Variants in HECTD3 observed in about 807,000 individuals in gnomAD.
The protein encoded by HECTD3 is HECT domain E3 ubiquitin protein ligase 3, also known as E3 ubiquitin-protein ligase HECTD3.
In HECTD3, 72 loss-of-function variants were observed where a neutral mutation model predicts 109.3. The observed-to-expected ratio is 0.66, with a 90% confidence interval of 0.54 to 0.80. The LOEUF is 0.80. Among genes scored for constraint, HECTD3 ranks in the 30% least tolerant of loss-of-function variants. The pLI, the probability that HECTD3 is intolerant of heterozygous loss-of-function variation, is 0.00. For synonymous variants in HECTD3, 481 were observed against 471.8 expected, an observed-to-expected ratio of 1.02 and a Z score of -0.25; for missense variants, 1,041 against 1,165.2, an observed-to-expected ratio of 0.89 and a Z score of 1.55.
At chr1:45,008,807 C>A in intron 7 of HECTD3, 106 bp from the exon 8 acceptor site, 1 of 1,083,578 alleles carries the variant, frequency 9.2e-7, no homozygotes, top group East Asian at 2.4e-5. Context: ...CACCGTTAGC[C>A]CCTAGAAACT....
chr1:45,009,020 GGAGT>G (rs1644759792), intron 7 of HECTD3, 120 bp downstream of exon 7: 3 of 817,070 alleles, frequency 3.7e-6, no homozygotes, highest in Non-Finnish European at 6.1e-6. Flanking sequence ...TCCAAATCCT[GGAGT>G]TAGTTCAGCA....
In HECTD3 at chr1:45,007,641, C is replaced by T. The variant is rs548173491; in HGVS notation, c.1321-46G>A. Reference sequence around the variant, plus strand: ...GAGCAGGAATGAGTGGGCAGTCAGCCTCCGTCCAGGCCCTGGAACTTTCCC... The same window carrying T: ...GAGCAGGAATGAGTGGGCAGTCAGCTTCCGTCCAGGCCCTGGAACTTTCCC... On this transcript the variant is annotated intron_variant, in intron 9 of 20. Transcript: ENST00000372172. 4.1e-4 allele frequency: 633 copies of T among 1,542,358 alleles called. 9 individuals carry two copies. In the South Asian group the frequency reaches 6.9e-3, roughly 17 times the overall value.
Position 45,007,405 on chromosome 1 carries a change from G to A in HECTD3, c.1503+8C>T. 1 of 1,613,876 alleles carries A rather than the reference G, an allele frequency of 6.2e-7. No homozygotes were observed. On this transcript the variant is annotated splice_region_variant and intron_variant, in intron 10 of 20. Transcript: ENST00000372172. ...TCCTATCTCAGTCGGACCCTAGGTG[G>A]TGCAGACCTGGGTGAAGACTGCATT... is the stretch of plus-strand genomic sequence containing the variant.
At chr1:45,009,962 G>A in intron 4 of HECTD3, 24 bp downstream of exon 4, 1 of 1,518,446 alleles carries the variant, frequency 6.6e-7, no homozygotes, top group South Asian at 1.3e-5. Flanking sequence ...TCTTGCCTGG[G>A]GTGGGAGGAG....
intron 4 of HECTD3, 80 bp downstream of exon 4, chr1:45,009,906 C>A: frequency 6.7e-7 from 1 of 1,492,530 alleles, no homozygotes; most frequent in Non-Finnish European, 9.0e-7. Context: ...TCCTGGCCTG[C>A]AGGTGGGGGT....
chr1:45,005,315 A>C (rs2148976466), intron 15 of HECTD3: 1 of 209,452 alleles, frequency 4.8e-6, no homozygotes, highest in Non-Finnish European at 9.7e-6. Flanking sequence ...CTTTTTAGTA[A>C]GTGATTAGCT....
intron 4 of HECTD3, 36 bp downstream of exon 4, chr1:45,009,950 T>C (rs774646122): frequency 1.1e-5 from 17 of 1,517,680 alleles, no homozygotes; most frequent in East Asian, 4.5e-5. Context: ...GGTGTGACTA[T>C]ATCTTGCCTG....
At position 45,008,525 on chromosome 1, in the gene HECTD3, A is replaced by G. The variant is rs746625522; in HGVS notation, c.1238+11T>C. On this transcript the variant is annotated intron_variant, in intron 8 of 20. Coordinates refer to ENST00000372172, the MANE Select transcript of HECTD3 (RefSeq NM_024602.6). ...GAAGGGAAGGGCCCATAGGTCCAGG[A>G]CCACAGCCACCTCTGCAGGAGGACA... is the stretch of plus-strand genomic sequence containing the variant. 3 of 1,611,722 alleles carry G rather than the reference A, an allele frequency of 1.9e-6. No individual in the cohort carries two copies. The highest frequency in any genetic ancestry group is 2.5e-6 in the Non-Finnish European group (3 of 1,178,258).
In HECTD3 at chr1:45,002,931, G is replaced by A. The variant is rs1181720079; in HGVS notation, c.*561C>T. On this transcript the variant is annotated 3_prime_UTR_variant, in exon 21 of 21. Transcript: ENST00000372172. ...GAAGAACAGAGCTCACCACATCTCT[G>A]GTATGGAGGGAGAGGGGAAAAGAGC... 1.2e-5 allele frequency: 2 copies of A among 160,280 alleles called. No individual in the cohort carries two copies. Among genetic ancestry groups the A allele is most frequent in the East Asian group, 1.8e-4 (1 of 5,556 alleles). 9.9% of individuals were successfully genotyped at this position (160,280 alleles called of 1,614,324 possible).
chr1:45,008,476 G>C (rs1409645813), intron 8 of HECTD3, 60 bp downstream of exon 8: 2 of 1,575,364 alleles, frequency 1.3e-6, no homozygotes, highest in Non-Finnish European at 1.7e-6. Flanking sequence ...CCTCCATGCA[G>C]ACACACAAGG....
chr1:45,009,672 G>A lies in HECTD3; in HGVS notation c.771C>T (p.Asn257=), dbSNP rs915797346. 6 of 1,613,294 alleles carry A rather than the reference G, an allele frequency of 3.7e-6. No individual in the cohort carries two copies. The highest frequency in any genetic ancestry group is 1.3e-5 in the African/African-American group (1 of 74,910). ...CATTGCTGTCTGTCAGGCAGGACAC[G>A]TTGAACTCCTCCTGGGGAGGGGCAG... ...IDVSSYTEEF[N]VSCLTDSNAD... Residue 257 remains asparagine (N), a synonymous_variant, in exon 5 of 21, where the codon AAC becomes AAT. Coordinates refer to ENST00000372172, the MANE Select transcript of HECTD3 (RefSeq NM_024602.6).
chr1:45,004,933 T>C (rs1644721528), intron 15 of HECTD3, 127 bp from the exon 16 acceptor site: 1 of 799,314 alleles, frequency 1.3e-6, no homozygotes, highest in Non-Finnish European at 2.2e-6. Context: ...CAGCAGGGAA[T>C]GAGGGTGTCA....
chr1:45,003,786 C>T lies in HECTD3; in HGVS notation c.2430-46G>A, dbSNP rs1376725811. ...TAGGTCAGGAAGATGTGTTGGGGCA[C>T]ATGTACGTGTGTGGGGAGGGAGGAC... On this transcript the variant is annotated intron_variant, in intron 19 of 20. Transcript: ENST00000372172. This position sits in a 1 kb window ranked among gnomAD's most constrained non-coding sequence, Gnocchi z 4.7. The T allele has an allele frequency of 6.2e-7, 1 of 1,612,712 alleles. No individual in the cohort carries two copies. Among genetic ancestry groups the T allele is most frequent in the Non-Finnish European group, 8.5e-7 (1 of 1,178,886 alleles).
At chr1:45,007,149 TGTGTGTG>T in intron 11 of HECTD3, 63 bp downstream of exon 11, 5 of 1,385,038 alleles carry the variant, frequency 3.6e-6, no homozygotes, top group East Asian at 2.3e-5. Flanking sequence ...TGTGTGTGTG[TGTGTGTG>T]TTTGTGTGTG....
At chr1:45,005,085 G>C (rs1344726476) in intron 15 of HECTD3, 3 of 520,192 alleles carry the variant, frequency 5.8e-6, no homozygotes, top group African/African-American at 5.7e-5. Flanking sequence ...ACATCTTGGA[G>C]AAAGCTGGAA....
chr1:45,008,946 C>G (rs1471830358), intron 7 of HECTD3, among the ~76,000 whole-genome samples, 198 bp downstream of exon 7: 1 of 152,150 alleles, frequency 6.6e-6, no homozygotes, highest in Non-Finnish European at 1.5e-5. Flanking sequence ...GTGAGCCCAA[C>G]CACCTGTATG....
rs192080840 is a variant in HECTD3, at chr1:45,003,303, T to G, written c.*189A>C. 149 of 596,640 alleles carry G rather than the reference T, an allele frequency of 2.5e-4. No individual in the cohort carries two copies. In the East Asian group the frequency reaches 3.8e-3, roughly 15 times the overall value. 37.0% of individuals were successfully genotyped at this position (596,640 alleles called of 1,614,324 possible). ...CCCCAGCACGGGTAGGGCTTGTGGG[T>G]CTGCGGGGCTGGGCCACTAGTGTTA... On this transcript the variant is annotated 3_prime_UTR_variant, in exon 21 of 21. Coordinates refer to ENST00000372172, the MANE Select transcript of HECTD3 (RefSeq NM_024602.6). This position sits in a 1 kb window ranked among gnomAD's most constrained non-coding sequence, Gnocchi z 4.7.
chr1:45,005,457 G>A, intron 15 of HECTD3: 1 of 255,208 alleles, frequency 3.9e-6, no homozygotes, highest in Non-Finnish European at 7.5e-6. Context: ...TGTGGGCTTT[G>A]GGATGGGGAG....
chr1:45,008,261 C>T lies in HECTD3; in HGVS notation c.1299G>A (p.Leu433=), dbSNP rs759174419. The change falls in exon 9 of 21, where the codon CTG becomes CTA. Residue 433 remains leucine (L), a synonymous_variant. Coordinates refer to ENST00000372172, the MANE Select transcript of HECTD3 (RefSeq NM_024602.6). ...TCACCTTAATCTCACTGAAGGTGCC[C>T]AGTGTGTGGTCCCAGGCAGGTACCA... ...HHLVPAWDHT[L]GTFSEIKQVK... 14 of 1,613,932 alleles carry T rather than the reference C, an allele frequency of 8.7e-6. No individual in the cohort carries two copies. The Admixed American group carries it at 1.5e-4, about 17-fold the overall frequency.
Sources: gnomAD v4.1 joint callset for allele counts (sites outside exome capture counted in the v4.1 genomes callset) on GRCh38, gnomAD v4.1.1 for gene constraint, Gnocchi (gnomAD v3.1) non-coding constraint, MANE v1.5 for transcripts, NCBI Gene and HGNC (gene_info 2026-07-23, HGNC 2026-07-21) for gene names.